The following TMTC3 variants were observed in gnomAD, a reference collection of about 807,000 sequenced individuals.
The protein encoded by TMTC3 is protein O-mannosyl-transferase TMTC3.
Under a neutral mutation model 92.2 loss-of-function variants are expected in TMTC3, and 52 were observed. That is an observed-to-expected ratio of 0.56 (90% confidence interval 0.45 to 0.71). The LOEUF is 0.71. TMTC3 is among the 30% of genes least tolerant of loss of function. TMTC3 has a pLI of 0.00. For synonymous variants in TMTC3, 339 were observed against 363.3 expected (o/e 0.93, Z 0.76); for missense variants, 896 against 1,057.1 (o/e 0.85, Z 2.11).
chr12:88,181,398 T>C (rs1407557826), intron 10 of TMTC3, among the ~76,000 whole-genome samples: 1 of 152,128 alleles, frequency 6.6e-6, no homozygotes, highest in Non-Finnish European at 1.5e-5. Flanking sequence ...ATGTGGGCAT[T>C]GTAAAATAAT....
chr12:88,165,110 A>G (rs1410367854), intron 6 of TMTC3, among the ~76,000 whole-genome samples: 1 of 152,068 alleles, frequency 6.6e-6, no homozygotes, highest in African/African-American at 2.4e-5. Context: ...GAATTTATGT[A>G]TGTGTTAGTA....
chr12:88,194,016 G>GT (rs1007425507), intron 13 of TMTC3, among the ~76,000 whole-genome samples: 4 of 152,040 alleles, frequency 2.6e-5, no homozygotes, highest in African/African-American at 9.7e-5. Context: ...GAGGCCAAGA[G>GT]TTTGAGAATA....
In TMTC3 at chr12:88,160,152, G is replaced by A. The variant is rs774843152; in HGVS notation, c.547G>A (p.Val183Ile). The A allele has an allele frequency of 6.3e-7, 1 of 1,592,888 alleles. No individual in the cohort carries two copies. Among genetic ancestry groups the A allele is most frequent in the South Asian group, 1.2e-5 (1 of 86,318 alleles). The change falls in exon 5 of 14, where the codon GTT becomes ATT. Residue 183 changes from valine (V) to isoleucine (I), a missense_variant. Transcript: ENST00000266712. The stretch of plus-strand genomic sequence containing the variant: ...TGCCTTGACAGTGTTTTTAGTGGCT[G>A]TTGCAACATTATGTAAAGAACAAGG... ...PIALTVFLVA[V>I]ATLCKEQGIT... is the part of the protein sequence containing the mutation.
intron 6 of TMTC3, among the ~76,000 whole-genome samples, chr12:88,161,880 G>A (rs2041083898): frequency 6.6e-6 from 1 of 151,338 alleles, no homozygotes; most frequent in African/African-American, 2.4e-5. Context: ...CTTAACTTTT[G>A]TGCAGTTTGC....
chr12:88,181,832 A>G (rs1261432311), intron 10 of TMTC3, among the ~76,000 whole-genome samples: 1 of 152,196 alleles, frequency 6.6e-6, no homozygotes, highest in Admixed American at 6.5e-5. Context: ...TGCAGTTTCC[A>G]CCAAATAGCC....
chr12:88,156,379 G>A (rs74681365), intron 4 of TMTC3, among the ~76,000 whole-genome samples: 1 of 152,136 alleles, frequency 6.6e-6, no homozygotes, highest in Non-Finnish European at 1.5e-5. Context: ...TCCAGGTTCC[G>A]CAGAGCTGCT....
chr12:88,150,166 G>A (rs1022613029), intron 2 of TMTC3, among the ~76,000 whole-genome samples: 2 of 152,158 alleles, frequency 1.3e-5, no homozygotes, highest in South Asian at 4.1e-4. Flanking sequence ...CTTCTGGGGA[G>A]GCCTCAAGAA....
At position 88,196,542 on chromosome 12, in the gene TMTC3, T is replaced by G. The variant is rs893026621; in HGVS notation, c.*893T>G. On this transcript the variant is annotated 3_prime_UTR_variant, in exon 14 of 14. Transcript: ENST00000266712. The stretch of plus-strand genomic sequence containing the variant: ...TTGTGTTAGCTCTGTAGTCTTAACC[T>G]GGATTTTAATTTTTTTGTTTCCAAA... The G allele has an allele frequency of 5.9e-5, 9 of 151,934 alleles. No homozygotes were observed. The highest frequency in any genetic ancestry group is 2.2e-4 in the African/African-American group (9 of 41,454). The allele number at this position is 151,934 out of a possible 1,614,324, so 9.4% of individuals were successfully genotyped here.
At chr12:88,166,682 T>C in intron 7 of TMTC3, 100 bp downstream of exon 7, 1 of 1,331,948 alleles carries the variant, frequency 7.5e-7, no homozygotes. Context: ...GAAGCACTCC[T>C]TTCTTTGTTC....
intron 7 of TMTC3, among the ~76,000 whole-genome samples, 193 bp downstream of exon 7, chr12:88,166,775 G>A (rs1044722890): frequency 6.6e-6 from 1 of 152,034 alleles, no homozygotes; most frequent in African/African-American, 2.4e-5. Context: ...CATATGTTCA[G>A]CACATAAAAT....
Position 88,198,169 on chromosome 12 carries a change from C to T in TMTC3, c.*2520C>T. 1 of 394,434 alleles carries T rather than the reference C, an allele frequency of 2.5e-6. No homozygotes were observed. The highest frequency in any genetic ancestry group is 4.5e-6 in the Non-Finnish European group (1 of 223,670). The allele number at this position is 394,434 out of a possible 1,614,324, so 24.4% of individuals were successfully genotyped here. On this transcript the variant is annotated 3_prime_UTR_variant, in exon 14 of 14. Transcript: ENST00000266712. ...CTCTATAACTTCAAAATAGATATTTCATTCAAACTGTTCAGGTGAGAAAAC... is the reference window on the plus strand; with the variant it reads ...CTCTATAACTTCAAAATAGATATTTTATTCAAACTGTTCAGGTGAGAAAAC...
In TMTC3 at chr12:88,184,295, C is replaced by G. The variant is rs146238008; in HGVS notation, c.1433-4548C>G. Reference sequence around the variant, plus strand: ...TCGACCCCCCAAGTAGAGAGCAGTCCTGTGCATGAATAATCAAAGGTTGAT... The same window carrying G: ...TCGACCCCCCAAGTAGAGAGCAGTCGTGTGCATGAATAATCAAAGGTTGAT... On this transcript the variant is annotated intron_variant, in intron 10 of 13. Transcript: ENST00000266712. Among the ~76,000 whole-genome samples, 831 of 152,238 alleles carry G rather than the reference C, an allele frequency of 5.5e-3. 14 individuals carry two copies. The highest frequency in any genetic ancestry group is 0.019 in the African/African-American group (777 of 41,534).
intron 10 of TMTC3, among the ~76,000 whole-genome samples, chr12:88,176,934 G>A (rs1463386316): frequency 6.6e-6 from 1 of 152,146 alleles, no homozygotes; most frequent in Admixed American, 6.6e-5. Context: ...GAGACAATTC[G>A]TATAGAAAAC....
intron 9 of TMTC3, among the ~76,000 whole-genome samples, chr12:88,175,403 T>G (rs12308266): frequency 0.07 from 10,586 of 152,278 alleles, 1,250 homozygotes; most frequent in African/African-American, 0.24. Context: ...GAATTTTTAC[T>G]TCCTTTGGAC....
intron 7 of TMTC3, among the ~76,000 whole-genome samples, chr12:88,169,821 C>T (rs1400495713): frequency 6.6e-6 from 1 of 151,698 alleles, no homozygotes; most frequent in Non-Finnish European, 1.5e-5. Flanking sequence ...TACCTGTAGT[C>T]CTAGGTGTTT....
Position 88,148,271 on chromosome 12 carries a change from C to T in TMTC3, c.-28-17C>T, listed in dbSNP as rs2040899794. ...ATAAATATGTTCCTTATTTTATCTT[C>T]ATGATTTTTTTTCCAGTTTTTGTCC... On this transcript the variant is annotated splice_polypyrimidine_tract_variant and intron_variant, in intron 1 of 13. Transcript: ENST00000266712. 1.3e-6 allele frequency: 2 copies of T among 1,484,942 alleles called. No homozygotes were observed. The highest frequency in any genetic ancestry group is 2.5e-5 in the South Asian group (2 of 80,058). The allele number at this position is 1,484,942 out of a possible 1,614,324, so 92.0% of individuals were successfully genotyped here.
At chr12:88,163,697 C>T (rs1455661609) in intron 6 of TMTC3, among the ~76,000 whole-genome samples, 1 of 152,046 alleles carries the variant, frequency 6.6e-6, no homozygotes, top group Non-Finnish European at 1.5e-5. Context: ...CAGTGTATCT[C>T]TTTCTTCTCT....
intron 12 of TMTC3, 73 bp from the exon 13 acceptor site, chr12:88,192,531 A>C (rs2041455832): frequency 8.3e-7 from 1 of 1,199,854 alleles, no homozygotes; most frequent in African/African-American, 1.5e-5. Context: ...AAGGCTTAAA[A>C]CTTGGCAAAA....
In TMTC3 at chr12:88,199,867, AAAAT is replaced by A. The variant is rs1257020404; in HGVS notation, c.*4221_*4224del. ...ATGCTTTCATGTTTCTGCCTTAAATAAAATAACCCTCAAAAAACCATTCTAGTTT... is the reference window on the plus strand; with the variant it reads ...ATGCTTTCATGTTTCTGCCTTAAATAAACCCTCAAAAAACCATTCTAGTTT... On this transcript the variant is annotated 3_prime_UTR_variant, in exon 14 of 14. Transcript: ENST00000266712. 6.6e-6 allele frequency: 1 copy of A among 152,192 alleles called. No homozygotes were observed. Among genetic ancestry groups the A allele is most frequent in the East Asian group, 1.9e-4 (1 of 5,190 alleles). The allele number at this position is 152,192 out of a possible 1,614,324, so 9.4% of individuals were successfully genotyped here. A position where few individuals can be genotyped will look rare whatever the true frequency, so the allele number is the denominator to read the frequency against.
Sources: gnomAD v4.1 joint callset for allele counts (sites outside exome capture counted in the v4.1 genomes callset) on GRCh38, gnomAD v4.1.1 for gene constraint, MANE v1.5 for transcripts, NCBI Gene and HGNC (gene_info 2026-07-23, HGNC 2026-07-21) for gene names.